Variants in ATL1 observed in about 807,000 individuals in gnomAD.
The protein encoded by ATL1 is atlastin-1.
In ATL1, 31 loss-of-function variants were observed where a neutral mutation model predicts 75.5. That is an observed-to-expected ratio of 0.41 (90% CI 0.31 to 0.55). ATL1 has a LOEUF of 0.55. Ranked by LOEUF, ATL1 falls within the 20% of genes least tolerant of loss-of-function variation. ATL1 has a pLI of 0.27. For synonymous variants in ATL1, 226 were observed against 233.3 expected (o/e 0.97, Z 0.28); for missense variants, 405 against 662.6 (o/e 0.61, Z 4.27).
At chr14:50,574,976 T>TATATATATATCTATA (rs1595590069) in intron 1 of ATL1, among the ~76,000 whole-genome samples, 1 of 132,484 alleles carries the variant, frequency 7.5e-6, no homozygotes, top group African/African-American at 2.8e-5. Context: ...TATATATATA[T>TATATATATATCTATA]TAGCTTTTAC....
At chr14:50,562,347 T>C (rs1288494259) in intron 1 of ATL1, among the ~76,000 whole-genome samples, 1 of 152,192 alleles carries the variant, frequency 6.6e-6, no homozygotes, top group East Asian at 1.9e-4. Context: ...CCCGGCCTTA[T>C]AAACTTCTTA....
At chr14:50,559,061 G>T (rs897751254), upstream of ATL1, 1 of 152,188 alleles carries the variant, frequency 6.6e-6, no homozygotes, top group Admixed American at 6.5e-5. Context: ...CACACCTCTG[G>T]TATAATGTCC....
chr14:50,592,752 A>C (rs953323898), intron 4 of ATL1, among the ~76,000 whole-genome samples: 2 of 150,976 alleles, frequency 1.3e-5, no homozygotes, highest in African/African-American at 2.4e-5. Context: ...TCTACTAAAA[A>C]TACAAAAAAT....
chr14:50,623,326 T>C (rs1595621460), intron 11 of ATL1, 78 bp downstream of exon 11: 1 of 1,161,028 alleles, frequency 8.6e-7, no homozygotes, highest in South Asian at 1.3e-5. Flanking sequence ...TTTTCTTCCA[T>C]GTTACACTGT....
At chr14:50,605,353 C>T (rs1204572109) in intron 6 of ATL1, among the ~76,000 whole-genome samples, 1 of 151,832 alleles carries the variant, frequency 6.6e-6, no homozygotes, top group Non-Finnish European at 1.5e-5. Context: ...ACAAATTTGT[C>T]TTGATTTCTA....
intron 1 of ATL1, among the ~76,000 whole-genome samples, chr14:50,551,588 A>G (rs973133404): frequency 6.6e-6 from 1 of 152,120 alleles, no homozygotes; most frequent in Non-Finnish European, 1.5e-5. Context: ...AAAACTACAG[A>G]CCATTATCTC....
Position 50,591,383 on chromosome 14 carries a change from T to C in ATL1, c.418-152T>C. On this transcript the variant is annotated intron_variant, in intron 3 of 13. Coordinates refer to ENST00000358385, the MANE Select transcript of ATL1 (RefSeq NM_015915.5). ...AATAGTAATCAGCTGTTAATATTTT[T>C]ATTTTCTGTGGCATTCATGGCATGT... is the stretch of plus-strand genomic sequence containing the variant. 3.2e-6 allele frequency: 2 copies of C among 632,564 alleles called. 1 individual carries two copies. Among genetic ancestry groups the C allele is most frequent in the South Asian group, 4.1e-5 (2 of 48,884 alleles). The allele number at this position is 632,564 out of a possible 1,614,324, so 39.2% of individuals were successfully genotyped here.
At chr14:50,626,848 TC>T (rs769008581) in intron 11 of ATL1, among the ~76,000 whole-genome samples, 21 of 152,212 alleles carry the variant, frequency 1.4e-4, no homozygotes, top group Admixed American at 2.6e-4. Context: ...CTGTCTTATT[TC>T]TTCTAACTGC....
chr14:50,576,162 G>A (rs1396218849), intron 1 of ATL1, among the ~76,000 whole-genome samples: 1 of 152,144 alleles, frequency 6.6e-6, no homozygotes, highest in Non-Finnish European at 1.5e-5. Context: ...TCAACACTTT[G>A]TTATAAAATA....
chr14:50,614,258 C>G (rs557991405), intron 7 of ATL1, 115 bp from the exon 8 acceptor site: 1 of 1,143,982 alleles, frequency 8.7e-7, no homozygotes, highest in Non-Finnish European at 1.3e-6. Context: ...GCAGCCCTGT[C>G]GTGTCATTTT....
chr14:50,585,038 ACTTAT>A (rs1260721439), intron 1 of ATL1, among the ~76,000 whole-genome samples: 4 of 152,196 alleles, frequency 2.6e-5, no homozygotes, highest in Admixed American at 2.0e-4. Flanking sequence ...TAAAAGGAGT[ACTTAT>A]CTTATTAGCA....
At position 50,620,519 on chromosome 14, in the gene ATL1, G is replaced by A. The variant is rs1181838844; in HGVS notation, c.863-80G>A. ...TTATCACTGGGGAGGAAATGGGGGAGATCAAAGGATGTTTTATTCTGTGGC... is the reference window on the plus strand; with the variant it reads ...TTATCACTGGGGAGGAAATGGGGGAAATCAAAGGATGTTTTATTCTGTGGC... On this transcript the variant is annotated intron_variant, in intron 8 of 13. Transcript: ENST00000358385. 5 of 1,473,214 alleles carry A rather than the reference G, an allele frequency of 3.4e-6. No individual in the cohort carries two copies. In the East Asian group the frequency reaches 1.2e-4, roughly 36 times the overall value. 91.3% of individuals were successfully genotyped at this position (1,473,214 alleles called of 1,614,324 possible).
chr14:50,535,035 G>T (rs1024160516), intron 1 of ATL1, among the ~76,000 whole-genome samples: 1 of 152,192 alleles, frequency 6.6e-6, no homozygotes, highest in African/African-American at 2.4e-5. Context: ...TATGGAATAA[G>T]AATAAATATG....
At chr14:50,574,711 A>G (rs2038984656) in intron 1 of ATL1, among the ~76,000 whole-genome samples, 1 of 151,940 alleles carries the variant, frequency 6.6e-6, no homozygotes, top group South Asian at 2.1e-4. Flanking sequence ...CCATGATTTC[A>G]AATGGCTCCA....
intron 1 of ATL1, among the ~76,000 whole-genome samples, chr14:50,573,144 G>A (rs180799698): frequency 1.7e-4 from 26 of 152,152 alleles, no homozygotes; most frequent in African/African-American, 4.3e-4. Flanking sequence ...ATTACAATTC[G>A]GATTACAATT....
At chr14:50,569,922 G>A (rs748742605) in intron 1 of ATL1, among the ~76,000 whole-genome samples, 1 of 152,192 alleles carries the variant, frequency 6.6e-6, no homozygotes, top group South Asian at 2.1e-4. Context: ...TGACAATCTT[G>A]TTAATAATCC....
chr14:50,614,827 T>C (rs1231523747), intron 8 of ATL1, among the ~76,000 whole-genome samples: 1 of 152,176 alleles, frequency 6.6e-6, no homozygotes, highest in East Asian at 1.9e-4. Context: ...ATTTTCCTTA[T>C]CTACATGAAA....
chr14:50,554,450 C>T (rs1170311049), intron 1 of ATL1, among the ~76,000 whole-genome samples: 1 of 152,170 alleles, frequency 6.6e-6, no homozygotes, highest in South Asian at 2.1e-4. Flanking sequence ...CAAGGACTTT[C>T]ATGCAAGATT....
At chr14:50,554,417 A>G (rs978938093) in intron 1 of ATL1, among the ~76,000 whole-genome samples, 1 of 152,174 alleles carries the variant, frequency 6.6e-6, no homozygotes, top group African/African-American at 2.4e-5. Flanking sequence ...AGGTCTGTAT[A>G]GTTCTTCCCC....
Sources: gnomAD v4.1 joint callset for allele counts (sites outside exome capture counted in the v4.1 genomes callset) on GRCh38, gnomAD v4.1.1 for gene constraint, MANE v1.5 for transcripts, NCBI Gene and HGNC (gene_info 2026-07-23, HGNC 2026-07-21) for gene names.